The following PLCB4 variants were observed in gnomAD, a reference collection of about 807,000 sequenced individuals.
The protein encoded by PLCB4 is phospholipase C beta 4, also known as 1-phosphatidylinositol 4,5-bisphosphate phosphodiesterase beta-4.
A neutral mutation model predicts 178.8 loss-of-function variants in PLCB4; 77 were observed. The ratio of observed to expected loss-of-function variants is 0.43; its 90% CI spans 0.36 to 0.52. PLCB4 has a LOEUF of 0.52. PLCB4 is among the 20% of genes least tolerant of loss of function. The pLI is 0.00. For missense variants in PLCB4, 1,024 were observed against 1,453.4 expected (o/e 0.70, Z 4.80); for synonymous variants, 496 against 490.8 (o/e 1.01, Z -0.14).
chr20:9,344,622 A>T (rs6077516), intron 7 of PLCB4, among the ~76,000 whole-genome samples: 11 of 152,176 alleles, frequency 7.2e-5, no homozygotes. Flanking sequence ...GTTAGAACAG[A>T]CAGGAAGATG....
chr20:9,436,712 C>T (rs993417119), intron 29 of PLCB4, among the ~76,000 whole-genome samples: 1 of 152,194 alleles, frequency 6.6e-6, no homozygotes, highest in African/African-American at 2.4e-5. Flanking sequence ...CAACCTTCTC[C>T]CATTCCAGTG....
intron 32 of PLCB4, among the ~76,000 whole-genome samples, chr20:9,450,420 A>G (rs2042683483): frequency 6.6e-6 from 1 of 152,150 alleles, no homozygotes; most frequent in Non-Finnish European, 1.5e-5. Context: ...TTATCCCAAA[A>G]CACTTCAGCA....
At position 9,371,300 on chromosome 20, in the gene PLCB4, G is replaced by T. The variant is rs778098963; in HGVS notation, c.585+5G>T. ...TTAGGTCTTCCCAGTGGAAAGGTAT[G>T]CATTAACTTAATAATGTATTTCTAA... On this transcript the variant is annotated splice_donor_5th_base_variant and intron_variant, in intron 10 of 39. Transcript: ENST00000378473. 2.0e-6 allele frequency: 3 copies of T among 1,485,086 alleles called. No homozygotes were observed. In the Admixed American group the frequency reaches 5.1e-5, roughly 25 times the overall value. 92.0% of individuals were successfully genotyped at this position (1,485,086 alleles called of 1,614,324 possible).
At chr20:9,217,762 A>C (rs555535743) in intron 3 of PLCB4, among the ~76,000 whole-genome samples, 1 of 152,178 alleles carries the variant, frequency 6.6e-6, no homozygotes, top group Non-Finnish European at 1.5e-5. Context: ...ATTGTCTACA[A>C]TTCTTTCTGG....
rs570887570 is a variant in PLCB4 at position 9,248,303 on chromosome 20, T to C, written c.-16+30851T>C. Among the ~76,000 whole-genome samples the C allele has an allele frequency of 5.9e-5, 9 of 152,318 alleles. No homozygotes were observed. The South Asian group carries it at 1.9e-3, about 32-fold the overall frequency. On this transcript the variant is annotated intron_variant, in intron 3 of 39. Coordinates refer to ENST00000378473, the MANE Select transcript of PLCB4 (RefSeq NM_001377142.1). ...CGCCAGCATTTTTTTATGTGGTTGATCTTTGCATTTTTCTGTCTTCAGGCC... is the reference window on the plus strand; with the variant it reads ...CGCCAGCATTTTTTTATGTGGTTGACCTTTGCATTTTTCTGTCTTCAGGCC...
intron 34 of PLCB4, among the ~76,000 whole-genome samples, chr20:9,458,274 G>T (rs1480623446): frequency 6.6e-6 from 1 of 152,108 alleles, no homozygotes; most frequent in African/African-American, 2.4e-5. Context: ...GTTTTGTAGG[G>T]CATGAACTCT....
At chr20:9,405,478 G>A (rs940004235) in intron 21 of PLCB4, 130 bp downstream of exon 21, 1 of 551,280 alleles carries the variant, frequency 1.8e-6, no homozygotes, top group Non-Finnish European at 3.2e-6. Context: ...GGGCAGATGA[G>A]TAAGATGATT....
chr20:9,334,682 A>G (rs2032195595), intron 4 of PLCB4, among the ~76,000 whole-genome samples: 1 of 152,148 alleles, frequency 6.6e-6, no homozygotes, highest in African/African-American at 2.4e-5. Context: ...TGCTTTGGAA[A>G]TAAGCTAGAT....
chr20:9,280,428 C>T (rs945231651), intron 3 of PLCB4: 15 of 982,752 alleles, frequency 1.5e-5, no homozygotes, highest in Non-Finnish European at 1.8e-5. Context: ...TTCTCCACTT[C>T]GATCTGAAAG....
intron 14 of PLCB4, among the ~76,000 whole-genome samples, chr20:9,385,891 G>T (rs2037595884): frequency 6.6e-6 from 1 of 152,232 alleles, no homozygotes; most frequent in Admixed American, 6.5e-5. Context: ...CACTTCGGGA[G>T]GCCAAGGCAG....
chr20:9,153,407 T>C (rs1050087352), intron 2 of PLCB4, among the ~76,000 whole-genome samples: 3 of 152,170 alleles, frequency 2.0e-5, no homozygotes, highest in African/African-American at 7.2e-5. Flanking sequence ...CTTTGCCGTG[T>C]TATTCTCTTG....
intron 2 of PLCB4, among the ~76,000 whole-genome samples, chr20:9,101,219 A>G (rs1355369762): frequency 6.6e-6 from 1 of 152,184 alleles, no homozygotes; most frequent in Non-Finnish European, 1.5e-5. Context: ...TGTCCTCACC[A>G]ACACAATGTG....
intron 3 of PLCB4, among the ~76,000 whole-genome samples, chr20:9,273,788 TA>T (rs1438379912): frequency 6.6e-6 from 1 of 151,962 alleles, no homozygotes; most frequent in Non-Finnish European, 1.5e-5. Flanking sequence ...ATGTTATTAC[TA>T]AATGTGGGTT....
intron 3 of PLCB4, among the ~76,000 whole-genome samples, chr20:9,218,092 T>G (rs1011899116): frequency 3.3e-5 from 5 of 152,168 alleles, no homozygotes; most frequent in Non-Finnish European, 7.3e-5. Context: ...TTATAATCCC[T>G]TGATCAAATT....
chr20:9,286,028 C>T (rs2094533757), intron 3 of PLCB4, among the ~76,000 whole-genome samples: 1 of 152,024 alleles, frequency 6.6e-6, no homozygotes, highest in Non-Finnish European at 1.5e-5. Flanking sequence ...TCTCTTTCAG[C>T]TTCACAGTAA....
intron 3 of PLCB4, among the ~76,000 whole-genome samples, chr20:9,292,330 G>T (rs1031570435): frequency 6.6e-6 from 1 of 152,182 alleles, no homozygotes; most frequent in African/African-American, 2.4e-5. Context: ...GATAATTGTG[G>T]CAGGCAGTCC....
chr20:9,147,458 G>A (rs572467854), intron 2 of PLCB4, among the ~76,000 whole-genome samples: 18 of 152,148 alleles, frequency 1.2e-4, no homozygotes, highest in Middle Eastern at 3.4e-3. Flanking sequence ...TGTAAGTTTC[G>A]GGGGGTTCAG....
chr20:9,288,756 A>G (rs2094556263), intron 3 of PLCB4, among the ~76,000 whole-genome samples: 1 of 152,072 alleles, frequency 6.6e-6, no homozygotes, highest in African/African-American at 2.4e-5. Flanking sequence ...AAGGTTAAGA[A>G]AGATCAGGAT....
chr20:9,280,928 AG>A (rs1490677237), intron 3 of PLCB4, among the ~76,000 whole-genome samples: 2 of 150,796 alleles, frequency 1.3e-5, no homozygotes, highest in East Asian at 3.9e-4. Flanking sequence ...CTCTTAGCTT[AG>A]GGCAAAGAAA....
Sources: gnomAD v4.1 joint callset for allele counts (sites outside exome capture counted in the v4.1 genomes callset) on GRCh38, gnomAD v4.1.1 for gene constraint, MANE v1.5 for transcripts, NCBI Gene and HGNC (gene_info 2026-07-23, HGNC 2026-07-21) for gene names.